The following ULK1 variants were observed in gnomAD, a reference collection of about 807,000 sequenced individuals.
ULK1 encodes serine/threonine-protein kinase ULK1.
Under a neutral mutation model 117.5 loss-of-function variants are expected in ULK1, and 48 were observed. The observed-to-expected ratio is 0.41, with a 90% CI of 0.32 to 0.52. The LOEUF (loss-of-function observed/expected upper bound fraction) is 0.52. ULK1 is among the 20% of genes least tolerant of loss of function. ULK1 has a pLI of 0.29. For synonymous variants in ULK1, 790 were observed against 637.8 expected, an observed-to-expected ratio of 1.24 and a Z score of -3.60; for missense variants, 1,387 against 1,473.4, an observed-to-expected ratio of 0.94 and a Z score of 0.96.
At chr12:131,915,803 C>T (rs1164527377) in intron 18 of ULK1, 88 bp from the exon 19 acceptor site, 1 of 1,541,726 alleles carries the variant, frequency 6.5e-7, no homozygotes, top group African/African-American at 1.4e-5. Flanking sequence ...TGGAGTGCGT[C>T]TACCCCAAGG....
intron 18 of ULK1, among the ~76,000 whole-genome samples, chr12:131,915,683 C>T (rs550049733): frequency 2.0e-5 from 3 of 152,202 alleles, no homozygotes; most frequent in East Asian, 1.9e-4. Flanking sequence ...GCAGGAGAAC[C>T]GCTTGAACCT....
At position 131,915,803 on chromosome 12, in the gene ULK1, C is replaced by G. The variant is rs1164527377; in HGVS notation, c.1610-88C>G. Reference sequence around the variant, plus strand: ...AAAAGAGTGGGGCCTTGGAGTGCGTCTACCCCAAGGGGCTCCGTGTGGTAG... The same window carrying G: ...AAAAGAGTGGGGCCTTGGAGTGCGTGTACCCCAAGGGGCTCCGTGTGGTAG... On this transcript the variant is annotated intron_variant, in intron 18 of 27. Transcript: ENST00000321867. 9.1e-6 allele frequency: 14 copies of G among 1,541,724 alleles called. No homozygotes were observed. The East Asian group carries it at 2.9e-4, about 32-fold the overall frequency.
intron 26 of ULK1, chr12:131,920,349 C>G: frequency 1.7e-6 from 1 of 590,918 alleles, no homozygotes; most frequent in South Asian, 2.2e-5. Context: ...TGCCGTGGCC[C>G]ATGTGCATCC....
chr12:131,898,739 C>T (rs1480708402), intron 3 of ULK1, among the ~76,000 whole-genome samples: 1 of 151,874 alleles, frequency 6.6e-6, no homozygotes, highest in East Asian at 1.9e-4. Flanking sequence ...CCTCATGATC[C>T]ACCCACCTCG....
chr12:131,916,381 C>G lies in ULK1; in HGVS notation c.1879-17C>G. The G allele has an allele frequency of 6.4e-7, 1 of 1,550,856 alleles. No homozygotes were observed. Among genetic ancestry groups the G allele is most frequent in the Non-Finnish European group, 8.7e-7 (1 of 1,148,204 alleles). ...CAGACCTGCGGGGCAGTCTTCACCC[C>G]ATCTCTGTCCTCCTAGGCTGTGCCC... On this transcript the variant is annotated splice_polypyrimidine_tract_variant and intron_variant, in intron 19 of 27. Transcript: ENST00000321867.
intron 26 of ULK1, 71 bp downstream of exon 26, chr12:131,920,207 G>A: frequency 6.5e-7 from 1 of 1,549,494 alleles, no homozygotes; most frequent in South Asian, 1.2e-5. Context: ...ACTGGGACGG[G>A]ACCTTGATGC....
chr12:131,919,006 G>A (rs1371732743), intron 23 of ULK1, among the ~76,000 whole-genome samples: 2 of 146,162 alleles, frequency 1.4e-5, no homozygotes, highest in African/African-American at 2.5e-5. Flanking sequence ...GGTGCAGGGT[G>A]TGTGGGGTGT....
Position 131,902,007 on chromosome 12 carries a change from C to T in ULK1, c.247-4885C>T, listed in dbSNP as rs141013630. 1.1e-3 allele frequency among the ~76,000 whole-genome samples: 171 copies of T among 152,272 alleles called. No homozygotes were observed. The highest frequency in any genetic ancestry group is 2.1e-3 in the Non-Finnish European group (140 of 68,000). On this transcript the variant is annotated intron_variant, in intron 3 of 27. Transcript: ENST00000321867. The surrounding 1 kb of genome is among the most constrained non-coding windows in gnomAD (Gnocchi z 6.3). ...TCTAGGGACCTGCCTCAACCCCCTGCGGCTGGCTCCCGGATTGTCCAGACC... is the reference window on the plus strand; with the variant it reads ...TCTAGGGACCTGCCTCAACCCCCTGTGGCTGGCTCCCGGATTGTCCAGACC...
Position 131,916,411 on chromosome 12 carries a change from T to C in ULK1, c.1892T>C (p.Phe631Ser). 6.3e-7 allele frequency: 1 copy of C among 1,586,952 alleles called. No individual in the cohort carries two copies. Among genetic ancestry groups the C allele is most frequent in the Non-Finnish European group, 8.6e-7 (1 of 1,166,808 alleles). Residue 631 changes from phenylalanine (F) to serine (S), a missense_variant, in exon 20 of 28, where the codon TTT becomes TCT. Transcript: ENST00000321867. ...LGSPTKAVPS[F>S]DFPKTPSSQN... Reference sequence around the variant, plus strand: ...CTGTCCTCCTAGGCTGTGCCCTCCTTTGACTTCCCGAAGACCCCCAGCTCC... The same window carrying C: ...CTGTCCTCCTAGGCTGTGCCCTCCTCTGACTTCCCGAAGACCCCCAGCTCC...
intron 5 of ULK1, among the ~76,000 whole-genome samples, chr12:131,907,897 C>T (rs1281035118): frequency 1.7e-5 from 2 of 115,840 alleles, no homozygotes; most frequent in Admixed American, 1.0e-4. Flanking sequence ...ATGTGCTGCA[C>T]GGGGCGGGGC....
At chr12:131,919,814 C>G (rs1449586305) in intron 25 of ULK1, 165 bp from the exon 26 acceptor site, 1 of 1,162,282 alleles carries the variant, frequency 8.6e-7, no homozygotes, top group Admixed American at 2.6e-5. Context: ...CGGATGGCAC[C>G]CGGGACAAGG....
At chr12:131,918,845 C>G (rs1040098953) in intron 23 of ULK1, among the ~76,000 whole-genome samples, 164 bp downstream of exon 23, 40 of 2,986 alleles carry the variant, frequency 0.013, no homozygotes, top group South Asian at 0.053. Context: ...TGTGGGGTGT[C>G]GGGTGTGTGG....
At chr12:131,919,141 T>C (rs1199510713) in intron 23 of ULK1, 71 bp from the exon 24 acceptor site, 4 of 1,486,596 alleles carry the variant, frequency 2.7e-6, no homozygotes, top group Non-Finnish European at 3.6e-6. Context: ...GCGTCATCGG[T>C]GAGTCTGAAG....
intron 12 of ULK1, among the ~76,000 whole-genome samples, chr12:131,911,605 G>T: frequency 1.3e-5 from 2 of 152,278 alleles, no homozygotes; most frequent in Non-Finnish European, 2.9e-5. Context: ...TGGCTATGCC[G>T]ATGGAAAAGT....
In ULK1 at chr12:131,912,047, T is replaced by C; in HGVS notation, c.1054T>C (p.Cys352Arg). The C allele has an allele frequency of 6.2e-7, 1 of 1,612,864 alleles. No homozygotes were observed. Among genetic ancestry groups the C allele is most frequent in the South Asian group, 1.1e-5 (1 of 91,076 alleles). Residue 352 changes from cysteine to arginine, a missense_variant, in exon 13 of 28, where the codon TGT (cysteine) becomes CGT (arginine). By Grantham distance (180) the Cys-to-Arg change is radical. This residue lies in a region of ULK1 where 260 missense variants were observed against 271.6 expected (regional missense o/e 0.96). Transcript: ENST00000321867. ...RDSGGSKDSS[C>R]DTDDFVMVPA... ...CTCTGGTGGCAGCAAGGACTCTTCC[T>C]GTGACACAGACGACTTCGTCATGGT...
intron 3 of ULK1, chr12:131,896,500 G>A (rs73471773): frequency 0.012 from 1,925 of 154,162 alleles, 23 homozygotes; most frequent in African/African-American, 0.033. Context: ...CTGACTAATG[G>A]CTCTGTGACC....
Position 131,916,802 on chromosome 12 carries a change from C to T in ULK1, c.2073-151C>T, listed in dbSNP as rs558954344. Reference sequence around the variant, plus strand: ...TCCCCGTCCTGAGCCTCGCCATGCCCGCCTGTAAGCTGGGGTGACAGGAGC... The same window carrying T: ...TCCCCGTCCTGAGCCTCGCCATGCCTGCCTGTAAGCTGGGGTGACAGGAGC... On this transcript the variant is annotated intron_variant, in intron 20 of 27. Coordinates refer to ENST00000321867, the MANE Select transcript of ULK1 (RefSeq NM_003565.4). 869 of 958,200 alleles carry T rather than the reference C, an allele frequency of 9.1e-4. 3 individuals are homozygous for T. The highest frequency in any genetic ancestry group is 6.8e-4 in the Middle Eastern group (2 of 2,952). 59.4% of individuals were successfully genotyped at this position (958,200 alleles called of 1,614,324 possible). A position where few individuals can be genotyped will look rare whatever the true frequency, so the allele number is the denominator to read the frequency against.
At chr12:131,907,621 G>A (rs1007430693) in intron 5 of ULK1, 90 bp downstream of exon 5, 190 of 1,473,436 alleles carry the variant, frequency 1.3e-4, no homozygotes, top group Non-Finnish European at 1.6e-4. Flanking sequence ...GAGGCAGCCT[G>A]GCTCGAGTGG....
intron 1 of ULK1, 38 bp from the exon 2 acceptor site, chr12:131,895,563 G>T: frequency 6.3e-7 from 1 of 1,576,550 alleles, no homozygotes; most frequent in Non-Finnish European, 8.7e-7. Flanking sequence ...GCCTGCGAGG[G>T]GCAGCCCTGG....
Sources: allele counts gnomAD v4.1 joint callset (sites outside exome capture counted in the v4.1 genomes callset), GRCh38; gene constraint gnomAD v4.1.1; regional missense constraint gnomAD v4.1.1; non-coding constraint Gnocchi (gnomAD v3.1); transcripts MANE v1.5; gene names NCBI Gene and HGNC (gene_info 2026-07-23, HGNC 2026-07-21).